Variants in SLFN12L observed in about 807,000 individuals in gnomAD.
The protein encoded by SLFN12L is schlafen family member 12-like.
In SLFN12L, 34 loss-of-function variants were observed where a neutral mutation model predicts 34.8. The observed-to-expected ratio is 0.98, with a 90% CI of 0.74 to 1.30. The LOEUF (loss-of-function observed/expected upper bound fraction) is 1.30. Ranked by LOEUF, SLFN12L falls within the 50% of genes most tolerant of loss-of-function variation. SLFN12L has a pLI of 0.00. For synonymous variants in SLFN12L, 259 were observed against 247.5 expected (o/e 1.05, Z -0.44); for missense variants, 703 against 696.2 (o/e 1.01, Z -0.11).
intron 2 of SLFN12L, among the ~76,000 whole-genome samples, chr17:35,510,978 TGA>T (rs1020112537): frequency 1.4e-4 from 21 of 152,290 alleles, no homozygotes; most frequent in African/African-American, 4.6e-4. Flanking sequence ...CTCAAACTGT[TGA>T]GAGAGAGAAA....
chr17:35,533,969 G>A (rs972739562), intron 1 of SLFN12L, among the ~76,000 whole-genome samples: 4 of 152,172 alleles, frequency 2.6e-5, no homozygotes. Flanking sequence ...CTACTTGGGA[G>A]GCTGAGGCAC....
At chr17:35,491,043 C>T (rs559193575) in intron 2 of SLFN12L, 22 of 786,010 alleles carry the variant, frequency 2.8e-5, no homozygotes, top group South Asian at 1.9e-4. Flanking sequence ...CAGCAGACTG[C>T]GGACCAAATT....
At chr17:35,499,449 A>G (rs1309007081) in intron 2 of SLFN12L, among the ~76,000 whole-genome samples, 2 of 152,250 alleles carry the variant, frequency 1.3e-5, no homozygotes, top group African/African-American at 4.8e-5. Flanking sequence ...AGCCTAATTA[A>G]AGACCTTTAG....
At chr17:35,499,091 G>T in intron 2 of SLFN12L, 1 of 833,274 alleles carries the variant, frequency 1.2e-6, no homozygotes, top group South Asian at 1.3e-5. Context: ...TAAAACTTTG[G>T]AGCTTACAAT....
chr17:35,530,407 A>G (rs146012845), intron 1 of SLFN12L, among the ~76,000 whole-genome samples: 5,832 of 16,446 alleles, frequency 0.35, 1,219 homozygotes, highest in East Asian at 0.56. Context: ...GGAAGGAAGG[A>G]AGGAAGGAAG....
chr17:35,474,790 G>T lies in SLFN12L; in HGVS notation c.*133C>A, dbSNP rs986207943. 3.7e-5 allele frequency: 32 copies of T among 867,938 alleles called. No homozygotes were observed. The African/African-American group carries it at 5.2e-4, about 14-fold the overall frequency. The allele number at this position is 867,938 out of a possible 1,614,324, so 53.8% of individuals were successfully genotyped here. A position where few individuals can be genotyped will look rare whatever the true frequency, so the allele number is the denominator to read the frequency against. On this transcript the variant is annotated 3_prime_UTR_variant, in exon 5 of 5. Transcript: ENST00000628453. Reference sequence around the variant, plus strand: ...AATACAAAAAAAAAAAAATTAGCCAGGTGTGGTGGCAGGCACATGTAATCC... The same window carrying T: ...AATACAAAAAAAAAAAAATTAGCCATGTGTGGTGGCAGGCACATGTAATCC...
chr17:35,515,397 C>T (rs1283847246), intron 2 of SLFN12L, among the ~76,000 whole-genome samples: 4 of 152,152 alleles, frequency 2.6e-5, no homozygotes, highest in Non-Finnish European at 5.9e-5. Flanking sequence ...AGGATTACCA[C>T]TGAGTTTATA....
intron 2 of SLFN12L, among the ~76,000 whole-genome samples, 160 bp downstream of exon 2, chr17:35,522,119 T>TA (rs199549661): frequency 0.02 from 3,019 of 151,368 alleles, 83 homozygotes; most frequent in African/African-American, 0.057. Flanking sequence ...TAAAGTATAA[T>TA]AAAAAAAAGG....
chr17:35,536,171 C>T (rs1382437335), intron 1 of SLFN12L, among the ~76,000 whole-genome samples: 1 of 152,180 alleles, frequency 6.6e-6, no homozygotes, highest in Non-Finnish European at 1.5e-5. Context: ...ATTATTAGGC[C>T]TCTTGGAAGA....
rs1913768047 is a variant in SLFN12L at position 35,469,326 on chromosome 17, A to AT, written c.*5596_*5597insA. 3.9e-5 allele frequency among the ~76,000 whole-genome samples: 4 copies of AT among 101,672 alleles called. No individual in the cohort carries two copies. Among genetic ancestry groups the AT allele is most frequent in the African/African-American group, 7.7e-5 (2 of 25,988 alleles). The allele number at this position is 101,672 out of a possible 152,430, so 66.7% of individuals were successfully genotyped here. ...TAAAATATATATATATTATATATAT[A>AT]AATATATATATAATATATATATATA... is the stretch of plus-strand genomic sequence containing the variant. On this transcript the variant is annotated 3_prime_UTR_variant, in exon 5 of 5. Transcript: ENST00000628453.
At chr17:35,532,492 T>A (rs941474440) in intron 1 of SLFN12L, among the ~76,000 whole-genome samples, 4 of 150,286 alleles carry the variant, frequency 2.7e-5, no homozygotes, top group African/African-American at 9.8e-5. Flanking sequence ...AAAAAATTGA[T>A]AGTGCAGATA....
intron 2 of SLFN12L, among the ~76,000 whole-genome samples, chr17:35,519,063 T>C (rs1915923761): frequency 6.6e-6 from 1 of 152,188 alleles, no homozygotes; most frequent in Admixed American, 6.5e-5. Context: ...CTGGAAGCCA[T>C]GATTCTCAGC....
In SLFN12L at chr17:35,471,384, G is replaced by A. The variant is rs541999205; in HGVS notation, c.*3539C>T. On this transcript the variant is annotated 3_prime_UTR_variant, in exon 5 of 5. Transcript: ENST00000628453. ...ACTCCTGGCCTCAGGTGATCCACCCGCCTCAGCCTCCCAAAGTGCTGGGAT... is the reference window on the plus strand; with the variant it reads ...ACTCCTGGCCTCAGGTGATCCACCCACCTCAGCCTCCCAAAGTGCTGGGAT... 4.6e-5 allele frequency among the ~76,000 whole-genome samples: 7 copies of A among 152,186 alleles called. No individual in the cohort carries two copies. Among genetic ancestry groups the A allele is most frequent in the South Asian group, 2.1e-4 (1 of 4,818 alleles).
intron 2 of SLFN12L, among the ~76,000 whole-genome samples, chr17:35,515,743 A>C (rs1465262302): frequency 6.8e-6 from 1 of 146,968 alleles, no homozygotes; most frequent in Non-Finnish European, 1.5e-5. Context: ...TCCCAGGTTC[A>C]AGCGATTCTC....
At chr17:35,537,045 G>A (rs999522762) in intron 1 of SLFN12L, among the ~76,000 whole-genome samples, 8 of 151,950 alleles carry the variant, frequency 5.3e-5, no homozygotes, top group Middle Eastern at 3.2e-3. Flanking sequence ...GCACCCTCAC[G>A]CTCAGTGCCT....
At chr17:35,502,416 GAAAAAAAAAAAAA>G (rs1161388791) in intron 2 of SLFN12L, among the ~76,000 whole-genome samples, 4 of 25,262 alleles carry the variant, frequency 1.6e-4, no homozygotes, top group Non-Finnish European at 3.6e-4. Flanking sequence ...GTATCCTAAG[GAAAAAAAAAAAAA>G]AAAAAAAAAA....
intron 3 of SLFN12L, 89 bp from the exon 4 acceptor site, chr17:35,478,274 C>CT (rs1391348649): frequency 4.1e-6 from 3 of 739,288 alleles, no homozygotes; most frequent in Non-Finnish European, 6.7e-6. Context: ...TACCAAACGT[C>CT]TACTTAGAAC....
At position 35,480,045 on chromosome 17, in the gene SLFN12L, T is replaced by C. The variant is rs1264559676; in HGVS notation, c.237A>G (p.Arg79=). 6.2e-7 allele frequency: 1 copy of C among 1,614,228 alleles called. No individual in the cohort carries two copies. The highest frequency in any genetic ancestry group is 8.5e-7 in the Non-Finnish European group (1 of 1,180,040). Residue 79 remains arginine, a synonymous_variant, in exon 3 of 5, where the codon AGA becomes AGG. Transcript: ENST00000628453. ...GTGAGACATTTTCATTCTGCTGTTT[T>C]CTCAGTTGACAATCCTTCATTTTTT... ...NRKKMKDCQL[R]KQQNENVSRA... is the part of the protein sequence containing the mutation.
intron 2 of SLFN12L, among the ~76,000 whole-genome samples, chr17:35,509,011 C>G (rs542225606): frequency 1.2e-4 from 18 of 152,272 alleles, no homozygotes; most frequent in South Asian, 1.0e-3. Context: ...TGGGTATTAT[C>G]TGAAGACTCA....
Sources: allele counts gnomAD v4.1 joint callset (sites outside exome capture counted in the v4.1 genomes callset), GRCh38; gene constraint gnomAD v4.1.1; transcripts MANE v1.5; gene names NCBI Gene and HGNC (gene_info 2026-07-23, HGNC 2026-07-21).